HNRNPH3: variants seen among roughly 807,000 people sequenced by gnomAD.
HNRNPH3 encodes heterogeneous nuclear ribonucleoprotein 2H9.
In HNRNPH3, 7 loss-of-function variants were observed where a neutral mutation model predicts 47.0. That is an observed-to-expected ratio of 0.15 (90% CI 0.08 to 0.28). The LOEUF (loss-of-function observed/expected upper bound fraction) is 0.28. Ranked by LOEUF, HNRNPH3 falls within the 10% of genes least tolerant of loss-of-function variation. HNRNPH3 has a pLI of 1.00. For missense variants in HNRNPH3, 279 were observed against 449.6 expected, an observed-to-expected ratio of 0.62 and a Z score of 3.43; for synonymous variants, 120 against 143.2, an observed-to-expected ratio of 0.84 and a Z score of 1.16.
chr10:68,339,144 T>C lies in HNRNPH3; in HGVS notation c.441T>C (p.Tyr147=). Residue 147 remains tyrosine (Y), a synonymous_variant, in exon 5 of 10, where the codon TAT becomes TAC. Coordinates refer to ENST00000265866, the MANE Select transcript of HNRNPH3 (RefSeq NM_012207.3). ...RRGGDGYDGG[Y]GGFDDYGGYN... ...GTTTCTCCTTAAATTACACAGGTTA[T>C]GGAGGTTTTGATGACTATGGTGGCT... The C allele has an allele frequency of 6.2e-7, 1 of 1,605,228 alleles. No individual in the cohort carries two copies. Among genetic ancestry groups the C allele is most frequent in the Non-Finnish European group, 8.5e-7 (1 of 1,172,312 alleles).
intron 3 of HNRNPH3, chr10:68,338,282 T>TA (rs79502423): frequency 0.1 from 47,477 of 453,930 alleles, 3,229 homozygotes; most frequent in South Asian, 0.22. Flanking sequence ...AGAGACAAAG[T>TA]AAAAATATAC....
intron 4 of HNRNPH3, 155 bp downstream of exon 4, chr10:68,338,842 G>A (rs1180817990): frequency 1.7e-6 from 1 of 582,230 alleles, no homozygotes; most frequent in Non-Finnish European, 2.9e-6. Context: ...TGTGGGACTT[G>A]ACTGATGCAC....
At position 68,342,375 on chromosome 10, in the gene HNRNPH3, G is replaced by A. The variant is rs536980795; in HGVS notation, c.*321G>A. 2.4e-4 allele frequency: 51 copies of A among 214,706 alleles called. 2 individuals carry two copies. The South Asian group carries it at 4.4e-3, about 19-fold the overall frequency. The allele number at this position is 214,706 out of a possible 1,614,324, so 13.3% of individuals were successfully genotyped here. On this transcript the variant is annotated 3_prime_UTR_variant, in exon 10 of 10. Transcript: ENST00000265866. ...TACTATTAGTTCTACAAGAAGTAGTGTGGTGTAATTTTAGAGGATAATGGT... is the reference window on the plus strand; with the variant it reads ...TACTATTAGTTCTACAAGAAGTAGTATGGTGTAATTTTAGAGGATAATGGT...
At position 68,339,208 on chromosome 10, in the gene HNRNPH3, A is replaced by C. The variant is rs1419824844; in HGVS notation, c.505A>C (p.Arg169=). ...YGYGNDGFDD[R]MRDGRGMGGH... ...CTATGGGAATGATGGCTTTGATGAC[A>C]GAATGAGAGATGGAAGAGGTAAAAT... Residue 169 remains arginine, a synonymous_variant, in exon 5 of 10, where the codon AGA becomes CGA. Transcript: ENST00000265866. 1 of 1,600,090 alleles carries C rather than the reference A, an allele frequency of 6.2e-7. No individual in the cohort carries two copies. Among genetic ancestry groups the C allele is most frequent in the Non-Finnish European group, 8.6e-7 (1 of 1,167,428 alleles).
rs1311012548 is a variant in HNRNPH3 at position 68,341,302 on chromosome 10, T to C, written c.768T>C (p.Asn256=). 6.3e-7 allele frequency: 1 copy of C among 1,599,692 alleles called. No individual in the cohort carries two copies. Among genetic ancestry groups the C allele is most frequent in the Admixed American group, 1.8e-5 (1 of 54,754 alleles). The part of the protein sequence containing the change: ...DAVAAMSKDK[N]NMQHRYIELF... ...TAGCTGCCATGTCTAAAGATAAAAA[T>C]AACATGCGTAAGTGGTGTCTTTGGC... Residue 256 remains asparagine (N), a synonymous_variant, in exon 7 of 10, where the codon AAT becomes AAC. Transcript: ENST00000265866.
At chr10:68,335,677 C>T (rs2045511107) in intron 1 of HNRNPH3, among the ~76,000 whole-genome samples, 1 of 152,036 alleles carries the variant, frequency 6.6e-6, no homozygotes, top group South Asian at 2.1e-4. Flanking sequence ...TTTTGCAGGG[C>T]CCCTTAAAGT....
chr10:68,340,304 A>G (rs927052658), intron 6 of HNRNPH3, among the ~76,000 whole-genome samples: 1 of 152,212 alleles, frequency 6.6e-6, no homozygotes, highest in South Asian at 2.1e-4. Flanking sequence ...CTGGGATTAC[A>G]GGCGTGAGCC....
At chr10:68,339,107 G>A (rs776164094) in intron 4 of HNRNPH3, 33 bp from the exon 5 acceptor site, 1 of 1,484,118 alleles carries the variant, frequency 6.7e-7, no homozygotes, top group South Asian at 1.2e-5. Context: ...TCTGGAAAGT[G>A]TGTAGTCATG....
In HNRNPH3 at chr10:68,338,706, CAA is replaced by C; in HGVS notation, c.436+21_436+22del. 6.5e-7 allele frequency: 1 copy of C among 1,529,436 alleles called. No homozygotes were observed. The highest frequency in any genetic ancestry group is 8.8e-7 in the Non-Finnish European group (1 of 1,134,496). The allele number at this position is 1,529,436 out of a possible 1,614,324, so 94.7% of individuals were successfully genotyped here. On this transcript the variant is annotated intron_variant, in intron 4 of 9. Transcript: ENST00000265866. ...GATGGTGGTATGTGTATCTAATGAA[CAA>C]AGGTTCTGTTGTCATTTTCTTAATG... is the stretch of plus-strand genomic sequence containing the variant.
chr10:68,336,313 A>G (rs1221988054), intron 1 of HNRNPH3, among the ~76,000 whole-genome samples: 1 of 152,112 alleles, frequency 6.6e-6, no homozygotes, highest in African/African-American at 2.4e-5. Context: ...TGTAAATATT[A>G]TGGAATTTTA....
chr10:68,342,773 A>G lies in HNRNPH3; in HGVS notation c.*719A>G, dbSNP rs2046039870. 2.0e-5 allele frequency: 3 copies of G among 152,644 alleles called. No individual in the cohort carries two copies. Among genetic ancestry groups the G allele is most frequent in the Non-Finnish European group, 4.4e-5 (3 of 68,042 alleles). 9.5% of individuals were successfully genotyped at this position (152,644 alleles called of 1,614,324 possible). ...AAAATTGATAGTTGCAGGTTATCGC[A>G]AGATGTCTTAGAGTAGGGTTAAGGT... is the stretch of plus-strand genomic sequence containing the variant. On this transcript the variant is annotated 3_prime_UTR_variant, in exon 10 of 10. Transcript: ENST00000265866.
chr10:68,335,727 A>C (rs988794566), intron 1 of HNRNPH3, among the ~76,000 whole-genome samples: 7 of 152,190 alleles, frequency 4.6e-5, no homozygotes, highest in South Asian at 2.1e-4. Context: ...ACCATGAGGC[A>C]GACCAAGCAC....
At chr10:68,332,476 C>G (rs1294355902) in intron 1 of HNRNPH3, among the ~76,000 whole-genome samples, 1 of 152,256 alleles carries the variant, frequency 6.6e-6, no homozygotes, top group East Asian at 1.9e-4. Context: ...GCATTTTCCC[C>G]TTTCCCTGCT....
At position 68,340,965 on chromosome 10, in the gene HNRNPH3, C is replaced by T. The variant is rs1395782343; in HGVS notation, c.640-209C>T. 9.3e-6 allele frequency: 4 copies of T among 431,458 alleles called. No homozygotes were observed. The East Asian group carries it at 1.8e-4, about 19-fold the overall frequency. The allele number at this position is 431,458 out of a possible 1,614,324, so 26.7% of individuals were successfully genotyped here. ...TACAGGCGTGAGCCACTGCGCCCTG[C>T]CTATCTGCTTATTTTAAAAGCAGTA... On this transcript the variant is annotated intron_variant, in intron 6 of 9. Transcript: ENST00000265866.
At chr10:68,341,935 C>T (rs771754327) in intron 9 of HNRNPH3, 43 bp from the exon 10 acceptor site, 2 of 1,597,606 alleles carry the variant, frequency 1.3e-6, no homozygotes, top group East Asian at 2.2e-5. Flanking sequence ...TTATTTTATG[C>T]AGATATCTCC....
chr10:68,333,555 G>A (rs534128792), intron 1 of HNRNPH3, among the ~76,000 whole-genome samples: 3 of 152,180 alleles, frequency 2.0e-5, no homozygotes, highest in East Asian at 3.9e-4. Flanking sequence ...TTTCTTTAGT[G>A]TAGGAGTATA....
Position 68,341,569 on chromosome 10 carries a change from T to C in HNRNPH3, c.776-16T>C, listed in dbSNP as rs755673454. On this transcript the variant is annotated splice_polypyrimidine_tract_variant and intron_variant, in intron 7 of 9. Coordinates refer to ENST00000265866, the MANE Select transcript of HNRNPH3 (RefSeq NM_012207.3). ...CATTCCTTTCTCCCCTGTTACTCTTTCTTTTTTTCTTAAAGAACATCGATA... is the reference window on the plus strand; with the variant it reads ...CATTCCTTTCTCCCCTGTTACTCTTCCTTTTTTTCTTAAAGAACATCGATA... The C allele has an allele frequency of 3.7e-5, 57 of 1,547,816 alleles. No individual in the cohort carries two copies. The highest frequency in any genetic ancestry group is 2.2e-5 in the Non-Finnish European group (25 of 1,127,900).
rs929427699 is a variant in HNRNPH3, at chr10:68,333,454, A to C, written c.-24+1238A>C. Among the ~76,000 whole-genome samples the C allele has an allele frequency of 8.9e-4, 3 of 3,358 alleles. No individual in the cohort carries two copies. In the Non-Finnish European group the frequency reaches 0.012, roughly 13 times the overall value. 2.2% of individuals were successfully genotyped at this position (3,358 alleles called of 152,430 possible). On this transcript the variant is annotated intron_variant, in intron 1 of 9. Coordinates refer to ENST00000265866, the MANE Select transcript of HNRNPH3 (RefSeq NM_012207.3). ...ATCTTCCAAGAGTTGTATTTTGTGC[A>C]GTTTTTTTTTCCGATGGCATTAAGG...
intron 5 of HNRNPH3, 42 bp downstream of exon 5, chr10:68,339,268 T>G (rs1300310044): frequency 3.8e-6 from 6 of 1,584,582 alleles, no homozygotes; most frequent in Non-Finnish European, 4.3e-6. Flanking sequence ...TAGGTAAATT[T>G]TAGTATTTGC....
Sources: gnomAD v4.1 joint callset for allele counts (sites outside exome capture counted in the v4.1 genomes callset) on GRCh38, gnomAD v4.1.1 for gene constraint, MANE v1.5 for transcripts, NCBI Gene and HGNC (gene_info 2026-07-23, HGNC 2026-07-21) for gene names.